Variants in DCDC1 observed in about 807,000 individuals in gnomAD.
DCDC1 encodes doublecortin domain-containing protein 1.
A neutral mutation model predicts 178.3 loss-of-function variants in DCDC1; 200 were observed. The observed-to-expected ratio is 1.12, with a 90% CI of 1.00 to 1.26. The LOEUF is 1.26. DCDC1 is among the 50% of genes most tolerant of loss of function. The pLI, the probability that DCDC1 is intolerant of heterozygous loss-of-function variation, is 0.00. For missense variants in DCDC1, 1,983 were observed against 1,749.2 expected (o/e 1.13, Z -2.38); for synonymous variants, 690 against 604.8 (o/e 1.14, Z -2.07).
At chr11:30,873,611 T>G (rs1291089137) in intron 38 of DCDC1, among the ~76,000 whole-genome samples, 2 of 152,116 alleles carry the variant, frequency 1.3e-5, no homozygotes, top group African/African-American at 4.8e-5. Context: ...TGGGTGAGCC[T>G]GCCAGGGATG....
chr11:31,048,145 C>G lies in DCDC1; in HGVS notation c.2591+16324G>C, dbSNP rs150910741. 3.7e-4 allele frequency among the ~76,000 whole-genome samples: 57 copies of G among 152,254 alleles called. No homozygotes were observed. The East Asian group carries it at 0.01, about 28-fold the overall frequency. On this transcript the variant is annotated intron_variant, in intron 20 of 38. Coordinates refer to ENST00000684477, the MANE Select transcript of DCDC1 (RefSeq NM_001387274.1). Reference sequence around the variant, plus strand: ...CAGTGAGTACTTAGGAGAGCTAGGACTGGAAGCCACACTAATCTGACTGTA... The same window carrying G: ...CAGTGAGTACTTAGGAGAGCTAGGAGTGGAAGCCACACTAATCTGACTGTA...
intron 9 of DCDC1, among the ~76,000 whole-genome samples, chr11:31,205,145 A>AGCTT (rs1971723901): frequency 6.6e-6 from 1 of 152,208 alleles, no homozygotes; most frequent in African/African-American, 2.4e-5. Flanking sequence ...ATCATATTAT[A>AGCTT]GCTTGCTTTT....
intron 8 of DCDC1, among the ~76,000 whole-genome samples, chr11:31,263,263 T>C (rs149444678): frequency 3.3e-3 from 508 of 152,356 alleles, no homozygotes; most frequent in African/African-American, 0.011. Context: ...AAATATGTTG[T>C]TTATTTTTAT....
intron 21 of DCDC1, among the ~76,000 whole-genome samples, chr11:30,938,205 T>G (rs1189051411): frequency 6.6e-6 from 1 of 152,108 alleles, no homozygotes; most frequent in African/African-American, 2.4e-5. Context: ...TCTCGTTCAT[T>G]TTTCTTCTTC....
Position 30,878,554 on chromosome 11 carries a change from C to A in DCDC1, c.*30G>T. ...TGCACATAGCTATACCAGAAAAATACAGCAGAAAATCCGATGGTTCTGATA... is the reference window on the plus strand; with the variant it reads ...TGCACATAGCTATACCAGAAAAATAAAGCAGAAAATCCGATGGTTCTGATA... On this transcript the variant is annotated 3_prime_UTR_variant, in exon 38 of 39. Coordinates refer to ENST00000684477, the MANE Select transcript of DCDC1 (RefSeq NM_001387274.1). 2 of 1,571,512 alleles carry A rather than the reference C, an allele frequency of 1.3e-6. No homozygotes were observed. The highest frequency in any genetic ancestry group is 1.7e-6 in the Non-Finnish European group (2 of 1,163,964).
chr11:31,248,504 A>C (rs1356399934), intron 8 of DCDC1, among the ~76,000 whole-genome samples: 1 of 152,072 alleles, frequency 6.6e-6, no homozygotes, highest in Non-Finnish European at 1.5e-5. Flanking sequence ...TAAGACTCAA[A>C]GTAGGAATAA....
chr11:30,897,203 A>G (rs1944291714), intron 34 of DCDC1, among the ~76,000 whole-genome samples: 1 of 152,242 alleles, frequency 6.6e-6, no homozygotes, highest in African/African-American at 2.4e-5. Flanking sequence ...AAGAGAAACC[A>G]CATCAAAGGA....
chr11:31,247,205 G>C (rs1943625669), intron 8 of DCDC1, among the ~76,000 whole-genome samples: 1 of 151,996 alleles, frequency 6.6e-6, no homozygotes, highest in Non-Finnish European at 1.5e-5. Flanking sequence ...GTGGATGAAT[G>C]TTGACATTAA....
chr11:30,867,373 T>C (rs1485308120), intron 38 of DCDC1, among the ~76,000 whole-genome samples: 1 of 152,210 alleles, frequency 6.6e-6, no homozygotes, highest in African/African-American at 2.4e-5. Flanking sequence ...TTCCCGTCTG[T>C]AAAATGTAAA....
intron 11 of DCDC1, among the ~76,000 whole-genome samples, chr11:31,114,565 T>TTA (rs1213029712): frequency 3.9e-5 from 6 of 151,960 alleles, no homozygotes; most frequent in Admixed American, 2.0e-4. Context: ...GGTAAAAGAG[T>TTA]TAGCCCAACA....
At chr11:31,001,005 C>G (rs981921853) in intron 20 of DCDC1, among the ~76,000 whole-genome samples, 1 of 151,976 alleles carries the variant, frequency 6.6e-6, no homozygotes, top group African/African-American at 2.4e-5. Context: ...GTATTAACAT[C>G]CATTGATGGT....
chr11:31,337,603 T>C (rs1156589192), intron 1 of DCDC1, among the ~76,000 whole-genome samples: 2 of 152,124 alleles, frequency 1.3e-5, no homozygotes, highest in Non-Finnish European at 2.9e-5. Context: ...AGATTGAGGC[T>C]GCAGTGAGCC....
At chr11:30,937,596 T>C (rs1329783130) in intron 21 of DCDC1, among the ~76,000 whole-genome samples, 1 of 152,182 alleles carries the variant, frequency 6.6e-6, no homozygotes, top group Non-Finnish European at 1.5e-5. Flanking sequence ...CTAACCTTTT[T>C]CTGACTACCT....
At chr11:31,134,607 T>C (rs973678592) in intron 10 of DCDC1, among the ~76,000 whole-genome samples, 11 of 152,242 alleles carry the variant, frequency 7.2e-5, no homozygotes, top group Non-Finnish European at 1.6e-4. Flanking sequence ...AATAACATTC[T>C]ACACATTTAA....
At chr11:30,890,439 G>T (rs1220126980) in intron 36 of DCDC1, among the ~76,000 whole-genome samples, 1 of 152,172 alleles carries the variant, frequency 6.6e-6, no homozygotes, top group Non-Finnish European at 1.5e-5. Flanking sequence ...AGTTCCATCA[G>T]AGTTCCTGAT....
intron 21 of DCDC1, chr11:30,944,120 T>A (rs1590466992): frequency 3.1e-6 from 1 of 320,538 alleles, no homozygotes; most frequent in East Asian, 7.5e-5. Flanking sequence ...ACAGTGACTA[T>A]ATGACTAAAT....
At chr11:31,098,618 T>G (rs1417402189) in intron 15 of DCDC1, among the ~76,000 whole-genome samples, 1 of 152,206 alleles carries the variant, frequency 6.6e-6, no homozygotes, top group Non-Finnish European at 1.5e-5. Flanking sequence ...CAACCCCTGT[T>G]GTAATCCTCT....
rs74848275 is a variant in DCDC1 at position 30,915,575 on chromosome 11, C to T, written c.3589G>A (p.Val1197Met). The T allele has an allele frequency of 1.3e-4, 210 of 1,613,976 alleles. 1 individual carries two copies. The East Asian group carries it at 4.1e-3, about 31-fold the overall frequency. ...TCAGATTTCTTCTCCACCAAAACCA[C>T]CTCCATGCCTGATCGGAGATTGGGA... ...QGPNLRSGME[V>M]VLVEKKSDGS... Residue 1197 changes from valine to methionine, a missense_variant, in exon 27 of 39, where the codon GTG (valine) becomes ATG (methionine). By Grantham distance (21) the Val-to-Met change is conservative. Coordinates refer to ENST00000684477, the MANE Select transcript of DCDC1 (RefSeq NM_001387274.1).
At chr11:31,073,848 A>G (rs1395897281) in intron 18 of DCDC1, among the ~76,000 whole-genome samples, 1 of 152,220 alleles carries the variant, frequency 6.6e-6, no homozygotes, top group African/African-American at 2.4e-5. Context: ...TGGTGTACCA[A>G]CAAATAACTA....
Sources: gnomAD v4.1 joint callset for allele counts (sites outside exome capture counted in the v4.1 genomes callset) on GRCh38, gnomAD v4.1.1 for gene constraint, MANE v1.5 for transcripts, NCBI Gene and HGNC (gene_info 2026-07-23, HGNC 2026-07-21) for gene names.